The following KCTD16 variants were observed in gnomAD, a reference collection of about 807,000 sequenced individuals.
KCTD16 encodes the protein potassium channel tetramerization domain containing 16.
Under a neutral mutation model 33.2 loss-of-function variants are expected in KCTD16, and 13 were observed. The observed-to-expected ratio is 0.39, with a 90% confidence interval of 0.25 to 0.62. The LOEUF is 0.62. Among genes scored for constraint, KCTD16 ranks in the 20% least tolerant of loss-of-function variants. The pLI, the probability that KCTD16 is intolerant of heterozygous loss-of-function variation, is 0.50. For synonymous variants in KCTD16, 197 were observed against 195.3 expected, an observed-to-expected ratio of 1.01 and a Z score of -0.07; for missense variants, 441 against 525.1, an observed-to-expected ratio of 0.84 and a Z score of 1.57.
intron 3 of KCTD16, among the ~76,000 whole-genome samples, chr5:144,353,023 T>C (rs1202601339): frequency 6.6e-6 from 1 of 152,156 alleles, no homozygotes; most frequent in Non-Finnish European, 1.5e-5. Context: ...GCACAGACCT[T>C]GGTAATCTAA....
rs535057402 is a variant in KCTD16, at chr5:144,351,732, A to C, written c.833-121928A>C. Reference sequence around the variant, plus strand: ...GGAGTACTATTAGCCTTAATAAGAAAGAAATCCTGTCATTTGCAACAACAT... The same window carrying C: ...GGAGTACTATTAGCCTTAATAAGAACGAAATCCTGTCATTTGCAACAACAT... On this transcript the variant is annotated intron_variant, in intron 3 of 3. Coordinates refer to ENST00000512467, the MANE Select transcript of KCTD16 (RefSeq NM_020768.4). Among the ~76,000 whole-genome samples the C allele has an allele frequency of 6.6e-5, 10 of 152,318 alleles. No homozygotes were observed. The South Asian group carries it at 2.1e-3, about 32-fold the overall frequency.
chr5:144,431,445 T>A (rs1298096363), intron 3 of KCTD16, among the ~76,000 whole-genome samples: 1 of 152,138 alleles, frequency 6.6e-6, no homozygotes. Flanking sequence ...TAGTGTGTAG[T>A]TAAATAATTT....
intron 3 of KCTD16, among the ~76,000 whole-genome samples, chr5:144,470,404 A>C (rs780154373): frequency 1.3e-5 from 2 of 152,070 alleles, no homozygotes; most frequent in Non-Finnish European, 2.9e-5. Flanking sequence ...ACATTTGATT[A>C]TTTTTCAAAC....
chr5:144,241,396 CTCT>C (rs1471954626), intron 3 of KCTD16, among the ~76,000 whole-genome samples: 1 of 152,170 alleles, frequency 6.6e-6, no homozygotes, highest in Non-Finnish European at 1.5e-5. Context: ...AGTAGAGTCA[CTCT>C]TCTTCTCACA....
intron 3 of KCTD16, among the ~76,000 whole-genome samples, chr5:144,351,823 A>G (rs2126908407): frequency 6.6e-6 from 1 of 152,312 alleles, no homozygotes; most frequent in South Asian, 2.1e-4. Context: ...TATCTCACTT[A>G]TATGTGGAGT....
chr5:144,307,082 C>T (rs567637115), intron 3 of KCTD16, among the ~76,000 whole-genome samples: 1 of 152,344 alleles, frequency 6.6e-6, no homozygotes, highest in South Asian at 2.1e-4. Flanking sequence ...TGGCCTTCTC[C>T]ATACCTGCAT....
intron 3 of KCTD16, among the ~76,000 whole-genome samples, chr5:144,414,550 C>CA (rs1487896751): frequency 6.6e-6 from 1 of 152,188 alleles, no homozygotes; most frequent in Admixed American, 6.5e-5. Context: ...CTTGCATTAA[C>CA]ATAGGCACTT....
intron 3 of KCTD16, among the ~76,000 whole-genome samples, chr5:144,415,161 A>G (rs1204661350): frequency 6.6e-6 from 1 of 152,138 alleles, no homozygotes; most frequent in Non-Finnish European, 1.5e-5. Context: ...AACAAGAGGG[A>G]GCCAATCTCG....
At chr5:144,360,904 T>TATC (rs1430000576) in intron 3 of KCTD16, among the ~76,000 whole-genome samples, 1 of 151,676 alleles carries the variant, frequency 6.6e-6, no homozygotes, top group African/African-American at 2.4e-5. Flanking sequence ...TGGAAGTTTT[T>TATC]ATTATTATTA....
intron 3 of KCTD16, among the ~76,000 whole-genome samples, chr5:144,467,091 A>G (rs1326230860): frequency 1.4e-5 from 2 of 139,668 alleles, no homozygotes; most frequent in Non-Finnish European, 3.1e-5. Context: ...AGTGTTATAT[A>G]TATTATATAT....
At chr5:144,322,518 C>CAAAA (rs1752097923) in intron 3 of KCTD16, among the ~76,000 whole-genome samples, 1 of 151,206 alleles carries the variant, frequency 6.6e-6, no homozygotes, top group Admixed American at 6.6e-5. Flanking sequence ...AACAAACAAA[C>CAAAA]AAACAAAAAA....
chr5:144,468,022 G>C (rs1357387239), intron 3 of KCTD16, among the ~76,000 whole-genome samples: 1 of 152,056 alleles, frequency 6.6e-6, no homozygotes, highest in African/African-American at 2.4e-5. Context: ...TCCTATCAGC[G>C]GCAGCCCAGC....
At chr5:144,346,088 A>C (rs777478509) in intron 3 of KCTD16, among the ~76,000 whole-genome samples, 17 of 151,870 alleles carry the variant, frequency 1.1e-4, no homozygotes, top group Non-Finnish European at 2.5e-4. Context: ...AGATCCCACA[A>C]ATAAGTGGGA....
chr5:144,256,657 T>C (rs1256496410), intron 3 of KCTD16, among the ~76,000 whole-genome samples: 1 of 151,474 alleles, frequency 6.6e-6, no homozygotes, highest in African/African-American at 2.4e-5. Context: ...TGACTTCCCC[T>C]GGGGCTAGCC....
intron 3 of KCTD16, among the ~76,000 whole-genome samples, chr5:144,280,699 C>A (rs561271123): frequency 1.3e-5 from 2 of 152,202 alleles, no homozygotes; most frequent in East Asian, 1.9e-4. Flanking sequence ...CCAAGGCGGG[C>A]GGATCACGAG....
At chr5:144,197,750 T>C (rs561043411) in intron 2 of KCTD16, among the ~76,000 whole-genome samples, 2 of 152,348 alleles carry the variant, frequency 1.3e-5, no homozygotes, top group African/African-American at 4.8e-5. Flanking sequence ...TGCTGGTTAC[T>C]TAACCTCTTG....
chr5:144,468,800 A>G (rs1301932337), intron 3 of KCTD16, among the ~76,000 whole-genome samples: 2 of 152,214 alleles, frequency 1.3e-5, no homozygotes, highest in African/African-American at 4.8e-5. Context: ...TTGTGCTCAC[A>G]ACCATTAGCA....
intron 3 of KCTD16, among the ~76,000 whole-genome samples, chr5:144,393,967 T>C (rs1408238782): frequency 6.1e-5 from 9 of 147,004 alleles, no homozygotes; most frequent in East Asian, 1.9e-4. Flanking sequence ...TTTTTTCTTT[T>C]TTTTTTTTTT....
intron 3 of KCTD16, among the ~76,000 whole-genome samples, chr5:144,350,227 T>C (rs996185116): frequency 6.6e-6 from 1 of 152,144 alleles, no homozygotes; most frequent in African/African-American, 2.4e-5. Context: ...TTACCCTACA[T>C]TCTCATGGTA....
Sources: allele counts gnomAD v4.1 joint callset (sites outside exome capture counted in the v4.1 genomes callset), GRCh38; gene constraint gnomAD v4.1.1; transcripts MANE v1.5; gene names NCBI Gene and HGNC (gene_info 2026-07-23, HGNC 2026-07-21).